EPB41L5: variants seen among roughly 807,000 people sequenced by gnomAD.
EPB41L5 encodes the protein erythrocyte membrane protein band 4.1 like 5.
In EPB41L5, 55 loss-of-function variants were observed where a neutral mutation model predicts 106.6. The observed-to-expected ratio is 0.52, with a 90% CI of 0.42 to 0.65. EPB41L5 has a LOEUF of 0.65. Among genes scored for constraint, EPB41L5 ranks in the 30% least tolerant of loss-of-function variants. The pLI, the probability that EPB41L5 is intolerant of heterozygous loss-of-function variation, is 0.00. For synonymous variants in EPB41L5, 297 were observed against 306.7 expected, an observed-to-expected ratio of 0.97 and a Z score of 0.33; for missense variants, 871 against 882.1, an observed-to-expected ratio of 0.99 and a Z score of 0.16.
intron 24 of EPB41L5, among the ~76,000 whole-genome samples, chr2:120,169,953 G>C (rs1252594038): frequency 6.6e-6 from 1 of 152,162 alleles, no homozygotes; most frequent in Non-Finnish European, 1.5e-5. Context: ...GTAAATTGGA[G>C]TAACCACATT....
intron 21 of EPB41L5, among the ~76,000 whole-genome samples, chr2:120,161,271 A>T (rs1687131115): frequency 2.0e-5 from 3 of 152,040 alleles, no homozygotes; most frequent in African/African-American, 7.2e-5. Flanking sequence ...CCAGCTTCTC[A>T]GGAGGCTGAG....
Position 120,177,810 on chromosome 2 carries a change from T to A in EPB41L5, c.*2903T>A, listed in dbSNP as rs1225861139. ...CTTTGCCTTTGTACAATCACAGATA[T>A]CCTATGGAGATTTAAGGATGAAAGC... On this transcript the variant is annotated 3_prime_UTR_variant, in exon 25 of 25. Coordinates refer to ENST00000263713, the MANE Select transcript of EPB41L5 (RefSeq NM_020909.4). The A allele has an allele frequency of 6.6e-6, 1 of 152,248 alleles. No individual in the cohort carries two copies. The highest frequency in any genetic ancestry group is 1.5e-5 in the Non-Finnish European group (1 of 68,052). 9.4% of individuals were successfully genotyped at this position (152,248 alleles called of 1,614,324 possible). A position where few individuals can be genotyped will look rare whatever the true frequency, so the allele number is the denominator to read the frequency against.
chr2:120,054,455 GC>G (rs1680496863), intron 3 of EPB41L5, among the ~76,000 whole-genome samples: 1 of 151,750 alleles, frequency 6.6e-6, no homozygotes, highest in Non-Finnish European at 1.5e-5. Flanking sequence ...TCAAACGATT[GC>G]CTATTCTGAG....
At chr2:120,075,412 G>T in intron 5 of EPB41L5, 64 bp from the exon 6 acceptor site, 1 of 1,209,672 alleles carries the variant, frequency 8.3e-7, no homozygotes, top group African/African-American at 1.5e-5. Flanking sequence ...AGTTAGAAGT[G>T]TAAGATTTTT....
chr2:120,106,506 T>C, intron 16 of EPB41L5: 2 of 985,390 alleles, frequency 2.0e-6, no homozygotes, highest in Non-Finnish European at 2.4e-6. Context: ...GAGTCAGTGA[T>C]GATAAATTCG....
At chr2:120,164,528 A>G (rs527592977) in intron 21 of EPB41L5, among the ~76,000 whole-genome samples, 8 of 152,306 alleles carry the variant, frequency 5.3e-5, no homozygotes, top group African/African-American at 1.7e-4. Context: ...ATTTTTTTGT[A>G]ATTAAAAAGA....
rs998081954 is a variant in EPB41L5, at chr2:120,176,251, C to T, written c.*1344C>T. ...CATATTGGTAAAGTTGTTAATCCCT[C>T]GTTATGGAGAACTGATCTTAAGCTA... is the stretch of plus-strand genomic sequence containing the variant. On this transcript the variant is annotated 3_prime_UTR_variant, in exon 25 of 25. Coordinates refer to ENST00000263713, the MANE Select transcript of EPB41L5 (RefSeq NM_020909.4). 6.6e-6 allele frequency: 1 copy of T among 152,558 alleles called. No individual in the cohort carries two copies. Among genetic ancestry groups the T allele is most frequent in the Non-Finnish European group, 1.5e-5 (1 of 68,042 alleles). The allele number at this position is 152,558 out of a possible 1,614,324, so 9.5% of individuals were successfully genotyped here.
chr2:120,118,687 A>G (rs1023937648), intron 16 of EPB41L5, among the ~76,000 whole-genome samples: 8 of 152,138 alleles, frequency 5.3e-5, no homozygotes, highest in Non-Finnish European at 1.2e-4. Flanking sequence ...ATTCCTTTTT[A>G]TGACTGCGTA....
intron 10 of EPB41L5, among the ~76,000 whole-genome samples, chr2:120,083,315 C>T (rs192928719): frequency 2.4e-4 from 36 of 152,300 alleles, no homozygotes; most frequent in Admixed American, 2.0e-3. Flanking sequence ...TCTTTGTTCT[C>T]ATTGGTTTCA....
chr2:120,042,030 T>A lies in EPB41L5; in HGVS notation c.205T>A (p.Phe69Ile). The A allele has an allele frequency of 6.2e-7, 1 of 1,612,272 alleles. No homozygotes were observed. The highest frequency in any genetic ancestry group is 8.5e-7 in the Non-Finnish European group (1 of 1,179,002). Residue 69 changes from phenylalanine to isoleucine, a missense_variant, in exon 3 of 25, where the codon TTT (phenylalanine) becomes ATT (isoleucine). Physicochemically the swap from Phe to Ile is conservative, Grantham distance 21. Coordinates refer to ENST00000263713, the MANE Select transcript of EPB41L5 (RefSeq NM_020909.4). ...LPKKAKGQELFDQIMYHLDLI... is the reference protein window; with the variant it reads ...LPKKAKGQELIDQIMYHLDLI... ...GAAAAAAGCCAAAGGACAAGAGTTG[T>A]TTGATCAGATTATGTACCACCTGGA...
chr2:120,146,575 G>GTAT (rs1394414518), intron 20 of EPB41L5, among the ~76,000 whole-genome samples: 2 of 152,204 alleles, frequency 1.3e-5, no homozygotes, highest in Non-Finnish European at 2.9e-5. Flanking sequence ...TAAGGAGTGT[G>GTAT]TATTATTCTC....
intron 2 of EPB41L5, among the ~76,000 whole-genome samples, chr2:120,023,071 C>G (rs959579790): frequency 6.6e-6 from 1 of 152,022 alleles, no homozygotes; most frequent in African/African-American, 2.4e-5. Context: ...CTTGTAGATT[C>G]TGGATATTAG....
chr2:120,019,352 A>T, intron 2 of EPB41L5, 88 bp downstream of exon 2: 1 of 1,269,748 alleles, frequency 7.9e-7, no homozygotes, highest in East Asian at 2.3e-5. Flanking sequence ...TAACTTCTGG[A>T]TGGAAATAAG....
At chr2:120,140,132 T>C (rs1686107541) in intron 18 of EPB41L5, among the ~76,000 whole-genome samples, 1 of 151,998 alleles carries the variant, frequency 6.6e-6, no homozygotes, top group Admixed American at 6.6e-5. Flanking sequence ...CGGAGATAGA[T>C]GGTTACCAGA....
In EPB41L5 at chr2:120,172,532, T is replaced by G. The variant is rs73948709; in HGVS notation, c.2136-2309T>G. ...ACCCAGAGTTTTCCCAAACTATCAG[T>G]GAATTCCCAAACTATCAGTGAAGTG... On this transcript the variant is annotated intron_variant, in intron 24 of 24. Transcript: ENST00000263713. Among the ~76,000 whole-genome samples the G allele has an allele frequency of 5.3e-3, 809 of 152,284 alleles. 5 individuals are homozygous for G. Among genetic ancestry groups the G allele is most frequent in the African/African-American group, 0.019 (779 of 41,544 alleles).
At chr2:120,163,580 A>G (rs1185829710) in intron 21 of EPB41L5, among the ~76,000 whole-genome samples, 2 of 142,716 alleles carry the variant, frequency 1.4e-5, no homozygotes, top group African/African-American at 2.6e-5. Flanking sequence ...CCTGTGCTGA[A>G]CCTGTTACTG....
chr2:120,031,810 A>T (rs1448995786), intron 2 of EPB41L5, among the ~76,000 whole-genome samples: 2 of 152,086 alleles, frequency 1.3e-5, no homozygotes, highest in Non-Finnish European at 2.9e-5. Flanking sequence ...GGCAACACTG[A>T]TATACTGATT....
At chr2:120,036,622 A>G (rs1164820736) in intron 2 of EPB41L5, among the ~76,000 whole-genome samples, 1 of 152,206 alleles carries the variant, frequency 6.6e-6, no homozygotes, top group Non-Finnish European at 1.5e-5. Flanking sequence ...GCAAAGGCAG[A>G]TGGAATAAAA....
intron 7 of EPB41L5, among the ~76,000 whole-genome samples, chr2:120,076,470 CTTTTTTTTTTTTTTTT>C (rs35333671): frequency 1.7e-5 from 1 of 58,898 alleles, no homozygotes; most frequent in Non-Finnish European, 2.8e-5. Context: ...AATTTTTGTA[CTTTTTTTTTTTTTTTT>C]TTTTTTTTTT....
Sources: allele counts gnomAD v4.1 joint callset (sites outside exome capture counted in the v4.1 genomes callset), GRCh38; gene constraint gnomAD v4.1.1; transcripts MANE v1.5; gene names NCBI Gene and HGNC (gene_info 2026-07-23, HGNC 2026-07-21).